C5: variants seen among roughly 807,000 people sequenced by gnomAD.
C5 encodes complement C5.
A neutral mutation model predicts 218.8 loss-of-function variants in C5; 140 were observed. That is an observed-to-expected ratio of 0.64 (90% confidence interval 0.56 to 0.74). The LOEUF (loss-of-function observed/expected upper bound fraction) is 0.74. Ranked by LOEUF, C5 falls within the 30% of genes least tolerant of loss-of-function variation. C5 has a pLI of 0.00. For missense variants in C5, 1,700 were observed against 1,969.6 expected (o/e 0.86, Z 2.59); for synonymous variants, 614 against 682.3 (o/e 0.90, Z 1.56).
At chr9:121,008,572 C>T in intron 17 of C5, 74 bp from the exon 18 acceptor site, 2 of 1,042,862 alleles carry the variant, frequency 1.9e-6, no homozygotes, top group South Asian at 1.3e-5. Flanking sequence ...TAAAATATGG[C>T]CATTAATCTG....
At chr9:120,963,784 G>A (rs772006910) in intron 33 of C5, 46 bp from the exon 34 acceptor site, 107 of 1,407,232 alleles carry the variant, frequency 7.6e-5, no homozygotes, top group Non-Finnish European at 1.0e-4. Context: ...AAGTGAATAA[G>A]AGTCTTTAAG....
At chr9:121,046,435 T>G in intron 1 of C5, 52 bp from the exon 2 acceptor site, 1 of 1,333,750 alleles carries the variant, frequency 7.5e-7, no homozygotes, top group Non-Finnish European at 1.1e-6. Flanking sequence ...ACATATTTTC[T>G]TTTACTTTTG....
intron 20 of C5, among the ~76,000 whole-genome samples, chr9:121,004,400 A>G (rs1379837305): frequency 2.0e-5 from 3 of 152,208 alleles, no homozygotes; most frequent in Non-Finnish European, 4.4e-5. Context: ...AAATTCATGC[A>G]TAAAATATGT....
At chr9:121,060,993 G>A in the C5 span, among the ~76,000 whole-genome samples, 3 of 152,124 alleles carry the variant, frequency 2.0e-5, no homozygotes, top group Non-Finnish European at 4.4e-5. Flanking sequence ...TTCGACACCA[G>A]CCTGGCCAAC....
chr9:120,971,372 TA>T (rs1482755482), intron 31 of C5, among the ~76,000 whole-genome samples: 1 of 151,736 alleles, frequency 6.6e-6, no homozygotes, highest in Non-Finnish European at 1.5e-5. Context: ...TATATAATCA[TA>T]AAATTATATA....
the C5 span, among the ~76,000 whole-genome samples, chr9:121,062,706 T>C: frequency 6.6e-6 from 1 of 152,236 alleles, no homozygotes; most frequent in Non-Finnish European, 1.5e-5. Context: ...GAAATTCTTA[T>C]GTTGAATCTT....
At chr9:121,034,483 C>A (rs148751912) in intron 5 of C5, among the ~76,000 whole-genome samples, 275 of 152,256 alleles carry the variant, frequency 1.8e-3, no homozygotes, top group African/African-American at 6.0e-3. Flanking sequence ...GAGCAAGGAA[C>A]AAGACCACAC....
chr9:121,053,977 A>G (rs1030026657), upstream of C5, among the ~76,000 whole-genome samples: 1 of 152,186 alleles, frequency 6.6e-6, no homozygotes, highest in Non-Finnish European at 1.5e-5. Flanking sequence ...CACAAGGACT[A>G]AAGTGTGTAG....
the C5 span, among the ~76,000 whole-genome samples, chr9:121,055,682 A>G: frequency 6.6e-6 from 1 of 152,158 alleles, no homozygotes; most frequent in Non-Finnish European, 1.5e-5. Context: ...GGCAGGATTC[A>G]CCATCTGCTG....
chr9:121,016,689 T>A (rs2047310099), intron 14 of C5, among the ~76,000 whole-genome samples: 1 of 152,196 alleles, frequency 6.6e-6, no homozygotes, highest in Admixed American at 6.5e-5. Context: ...CAATATAATG[T>A]TCCAAATAAA....
intron 39 of C5, chr9:120,956,957 C>G (rs770232953): frequency 8.8e-6 from 3 of 342,438 alleles, no homozygotes; most frequent in Non-Finnish European, 1.7e-5. Flanking sequence ...ATCTATATAC[C>G]AAACCCCCAA....
At chr9:120,982,449 C>A (rs2047001968) in intron 26 of C5, among the ~76,000 whole-genome samples, 1 of 152,214 alleles carries the variant, frequency 6.6e-6, no homozygotes, top group African/African-American at 2.4e-5. Context: ...TCTAAGATAT[C>A]ACTTCTCTGA....
chr9:120,969,553 G>A (rs1164913256), intron 32 of C5, among the ~76,000 whole-genome samples: 1 of 152,146 alleles, frequency 6.6e-6, no homozygotes, highest in Non-Finnish European at 1.5e-5. Context: ...AGACCAGGAG[G>A]ACTGGAGTGT....
intron 14 of C5, 65 bp from the exon 15 acceptor site, chr9:121,016,448 A>G: frequency 1.9e-6 from 3 of 1,592,568 alleles, no homozygotes; most frequent in Non-Finnish European, 2.6e-6. Flanking sequence ...AAGATCTAAA[A>G]GGTACTAATT....
chr9:121,073,330 C>G, the C5 span, among the ~76,000 whole-genome samples: 1 of 152,166 alleles, frequency 6.6e-6, no homozygotes, highest in Non-Finnish European at 1.5e-5. Context: ...CAAGCAAATT[C>G]TTCCCCACCT....
Position 121,020,117 on chromosome 9 carries a change from T to C in C5, c.1365A>G (p.Ile455Met), listed in dbSNP as rs1043044916. The C allele has an allele frequency of 6.2e-7, 1 of 1,614,010 alleles. No homozygotes were observed. The highest frequency in any genetic ancestry group is 8.5e-7 in the Non-Finnish European group (1 of 1,179,884). Reference sequence around the variant, plus strand: ...AACTTTGGCTGAGAGATGAGTATGCTATTGCTCGGTAACCTTCCCTGGCCT... The same window carrying C: ...AACTTTGGCTGAGAGATGAGTATGCCATTGCTCGGTAACCTTCCCTGGCCT... ...ENQAREGYRA[I>M]AYSSLSQSYL... is the part of the protein sequence containing the mutation. Residue 455 changes from isoleucine to methionine, a missense_variant, in exon 12 of 41, where the codon ATA (isoleucine) becomes ATG (methionine). By Grantham distance (10) the Ile-to-Met change is conservative (BLOSUM62 1). Coordinates refer to ENST00000223642, the MANE Select transcript of C5 (RefSeq NM_001735.3).
intron 20 of C5, among the ~76,000 whole-genome samples, chr9:121,002,260 ATG>A (rs1491559364): frequency 1.1e-4 from 11 of 102,534 alleles, no homozygotes; most frequent in South Asian, 5.5e-4. Flanking sequence ...ATATGTATAT[ATG>A]TATATATATG....
intron 30 of C5, among the ~76,000 whole-genome samples, chr9:120,972,999 A>C (rs2046926176): frequency 6.6e-6 from 1 of 152,210 alleles, no homozygotes; most frequent in South Asian, 2.1e-4. Flanking sequence ...TTTCACACCC[A>C]GAGTCACCAC....
chr9:120,981,522 G>T (rs1323900847), intron 27 of C5, among the ~76,000 whole-genome samples: 1 of 152,176 alleles, frequency 6.6e-6, no homozygotes, highest in Non-Finnish European at 1.5e-5. Context: ...GAAGCTGGGG[G>T]CACTGGATCA....
Sources: allele counts gnomAD v4.1 joint callset (sites outside exome capture counted in the v4.1 genomes callset), GRCh38; gene constraint gnomAD v4.1.1; transcripts MANE v1.5; gene names NCBI Gene and HGNC (gene_info 2026-07-23, HGNC 2026-07-21).